RUNX3: variants seen among roughly 807,000 people sequenced by gnomAD.
RUNX3 encodes the protein RUNX family transcription factor 3, also known as runt-related transcription factor 3.
Under a neutral mutation model 27.7 loss-of-function variants are expected in RUNX3, and 10 were observed. The observed-to-expected ratio is 0.36, with a 90% CI of 0.22 to 0.61. The LOEUF (loss-of-function observed/expected upper bound fraction) is 0.61, where lower values mean the gene tolerates loss of function less well. Among genes scored for constraint, RUNX3 ranks in the 20% least tolerant of loss-of-function variants. RUNX3 has a pLI of 0.72. For missense variants in RUNX3, 469 were observed against 629.5 expected (o/e 0.75, Z 2.73); for synonymous variants, 270 against 269.2 (o/e 1.00, Z -0.03).
At chr1:24,918,394 C>A (rs1190795543) in intron 3 of RUNX3, among the ~76,000 whole-genome samples, 1 of 152,186 alleles carries the variant, frequency 6.6e-6, no homozygotes, top group African/African-American at 2.4e-5. Flanking sequence ...CTTGGGTGAC[C>A]CCTCTGGCTC....
chr1:24,959,275 G>T (rs146473311), intron 2 of RUNX3, among the ~76,000 whole-genome samples: 224 of 152,314 alleles, frequency 1.5e-3, no homozygotes, highest in African/African-American at 5.2e-3. Context: ...ACACAGTCCC[G>T]CTGTGTGGGG....
intron 2 of RUNX3, among the ~76,000 whole-genome samples, chr1:24,921,012 G>A (rs1025943083): frequency 3.9e-5 from 6 of 152,100 alleles, no homozygotes; most frequent in Admixed American, 3.3e-4. Context: ...TGGATCCCAC[G>A]TACAGGCCTG....
chr1:24,941,767 A>T (rs1368115080), intron 2 of RUNX3, among the ~76,000 whole-genome samples: 1 of 152,116 alleles, frequency 6.6e-6, no homozygotes, highest in Non-Finnish European at 1.5e-5. Context: ...GCCCTGTGTG[A>T]TGACCTGAGT....
intron 3 of RUNX3, among the ~76,000 whole-genome samples, chr1:24,910,214 G>A (rs931365013): frequency 6.0e-5 from 9 of 150,400 alleles, no homozygotes; most frequent in Non-Finnish European, 1.3e-4. Flanking sequence ...GCTTGAACCC[G>A]GGAGGCGGAG....
chr1:24,962,743 A>T lies in RUNX3; in HGVS notation c.58+1771T>A, dbSNP rs1049391124. 6.6e-6 allele frequency among the ~76,000 whole-genome samples: 1 copy of T among 152,080 alleles called. No individual in the cohort carries two copies. The highest frequency in any genetic ancestry group is 1.5e-5 in the Non-Finnish European group (1 of 68,004). On this transcript the variant is annotated intron_variant, in intron 2 of 6. Coordinates refer to the RUNX3 transcript ENST00000338888. The surrounding 1 kb of genome is among the most constrained non-coding windows in gnomAD (Gnocchi z 4.5). ...CGGCCTCCTGTCTCTGGGCGCATAC[A>T]TGACATGTTGGGCCAAAGCCACCTC...
exon 1 of RUNX3, chr1:24,964,923 G>A (rs866318107): frequency 3.2e-6 from 1 of 313,828 alleles, no homozygotes; most frequent in South Asian, 3.4e-5. Context: ...TAGATGGCGG[G>A]AAGGGGCTTT....
Position 24,902,633 on chromosome 1 carries a change from C to G in RUNX3, c.737G>C (p.Arg246Pro). The change falls in exon 5 of 5, where the codon CGC becomes CCC. Residue 246 changes from arginine to proline, a missense_variant. Physicochemically the swap from Arg to Pro is moderately radical, Grantham distance 103. Around this residue, in one of 3 missense-constraint regions of RUNX3, gnomAD observed 279 missense variants for 343.0 expected, o/e 0.81. Coordinates refer to ENST00000308873, the MANE Select transcript of RUNX3 (RefSeq NM_004350.3). The surrounding 1 kb of genome is among the most constrained non-coding windows in gnomAD (Gnocchi z 9.2). ...TSELNPFSDP[R>P]QFDRSFPTLP... ...CGTGGGGAAGGAGCGGTCAAACTGG[C>G]GGGGGTCGGAGAATGGGTTCAGTTC... 1 of 1,527,900 alleles carries G rather than the reference C, an allele frequency of 6.5e-7. No homozygotes were observed. Among genetic ancestry groups the G allele is most frequent in the South Asian group, 1.3e-5 (1 of 78,072 alleles). The allele number at this position is 1,527,900 out of a possible 1,614,324, so 94.6% of individuals were successfully genotyped here.
In RUNX3 at chr1:24,904,530, G is replaced by A. The variant is rs1291773841; in HGVS notation, c.704-1864C>T. 6.6e-6 allele frequency among the ~76,000 whole-genome samples: 1 copy of A among 152,176 alleles called. No individual in the cohort carries two copies. The highest frequency in any genetic ancestry group is 2.4e-5 in the African/African-American group (1 of 41,460). Reference sequence around the variant, plus strand: ...GCACCTGGCTGCCAGTTTTCATCTGGGGAGCCCCTCGGGGGGAGAGGTCCT... The same window carrying A: ...GCACCTGGCTGCCAGTTTTCATCTGAGGAGCCCCTCGGGGGGAGAGGTCCT... On this transcript the variant is annotated intron_variant, in intron 4 of 4. Transcript: ENST00000308873. This position sits in a 1 kb window ranked among gnomAD's most constrained non-coding sequence, Gnocchi z 5.7.
At chr1:24,908,629 A>G (rs776878272) in intron 3 of RUNX3, among the ~76,000 whole-genome samples, 13 of 152,174 alleles carry the variant, frequency 8.5e-5, no homozygotes, top group Non-Finnish European at 1.5e-4. Flanking sequence ...GTACCACTGC[A>G]TCCCAGTCTG....
chr1:24,948,149 G>T (rs994146916), intron 2 of RUNX3, among the ~76,000 whole-genome samples: 1 of 152,206 alleles, frequency 6.6e-6, no homozygotes, highest in Non-Finnish European at 1.5e-5. Context: ...CGTGGCAGGT[G>T]TCTGGGGACC....
chr1:24,940,246 G>A lies in RUNX3; in HGVS notation c.59-10394C>T, dbSNP rs140686170. Among the ~76,000 whole-genome samples, 7 of 152,274 alleles carry A rather than the reference G, an allele frequency of 4.6e-5. No homozygotes were observed. In the East Asian group the frequency reaches 5.8e-4, roughly 13 times the overall value. On this transcript the variant is annotated intron_variant, in intron 2 of 6. Transcript: ENST00000338888. ...GACCAGGATATTGTGCAGGGAGTTC[G>A]AGTGTTAGATGGGGCAGGGGCCGGA...
At chr1:24,915,864 C>T (rs1640880187) in intron 3 of RUNX3, among the ~76,000 whole-genome samples, 1 of 152,154 alleles carries the variant, frequency 6.6e-6, no homozygotes, top group African/African-American at 2.4e-5. Context: ...TGTCACCGCC[C>T]CTCCTGCTGG....
intron 2 of RUNX3, among the ~76,000 whole-genome samples, chr1:24,957,793 T>C (rs1289954914): frequency 6.6e-6 from 1 of 152,208 alleles, no homozygotes; most frequent in African/African-American, 2.4e-5. Flanking sequence ...ATTTTCTCCA[T>C]TTTACAGGTA....
intron 1 of RUNX3, chr1:24,964,783 T>C: frequency 7.8e-7 from 1 of 1,275,680 alleles, no homozygotes; most frequent in Non-Finnish European, 1.0e-6. Context: ...CGAGAGTGTG[T>C]GTGAGTGAGA....
chr1:24,907,618 A>G (rs1324498501), intron 3 of RUNX3, among the ~76,000 whole-genome samples: 1 of 152,144 alleles, frequency 6.6e-6, no homozygotes, highest in African/African-American at 2.4e-5. Flanking sequence ...GCCACCCCAC[A>G]TATCTAAACC....
intron 2 of RUNX3, among the ~76,000 whole-genome samples, chr1:24,955,461 C>A (rs1305454590): frequency 2.0e-5 from 3 of 152,162 alleles, no homozygotes. Flanking sequence ...GGTGGTGATG[C>A]CCAGCACACG....
chr1:24,924,096 G>A (rs1295875592), intron 2 of RUNX3, among the ~76,000 whole-genome samples: 1 of 152,226 alleles, frequency 6.6e-6, no homozygotes, highest in Non-Finnish European at 1.5e-5. Flanking sequence ...GCTGGTCGCA[G>A]TGGCTCATGC....
intron 2 of RUNX3, among the ~76,000 whole-genome samples, chr1:24,945,703 C>T (rs1025196707): frequency 3.3e-5 from 5 of 152,162 alleles, no homozygotes; most frequent in African/African-American, 1.2e-4. Context: ...CTACCCATTC[C>T]CCTGAACACT....
chr1:24,960,673 G>T (rs1642086469), intron 2 of RUNX3, among the ~76,000 whole-genome samples: 2 of 152,238 alleles, frequency 1.3e-5, no homozygotes, highest in South Asian at 4.1e-4. Flanking sequence ...GGTGTGAGGG[G>T]GGGGTGCCCC....
Sources: gnomAD v4.1 joint callset for allele counts (sites outside exome capture counted in the v4.1 genomes callset) on GRCh38, gnomAD v4.1.1 for gene constraint, gnomAD v4.1.1 regional missense constraint, Gnocchi (gnomAD v3.1) non-coding constraint, MANE v1.5 for transcripts, NCBI Gene and HGNC (gene_info 2026-07-23, HGNC 2026-07-21) for gene names.